The following MMD2 variants were observed in gnomAD, a reference collection of about 807,000 sequenced individuals.
The protein encoded by MMD2 is monocyte to macrophage differentiation factor 2.
A neutral mutation model predicts 33.5 loss-of-function variants in MMD2; 30 were observed. That is an observed-to-expected ratio of 0.90 (90% CI 0.67 to 1.22). The LOEUF (loss-of-function observed/expected upper bound fraction) is 1.22, where lower values mean the gene tolerates loss of function less well. MMD2 is among the 50% of genes most tolerant of loss of function. The pLI, the probability that MMD2 is intolerant of heterozygous loss-of-function variation, is 0.00. For synonymous variants in MMD2, 129 were observed against 123.0 expected, an observed-to-expected ratio of 1.05 and a Z score of -0.32; for missense variants, 364 against 325.4, an observed-to-expected ratio of 1.12 and a Z score of -0.91.
downstream of MMD2, among the ~76,000 whole-genome samples, chr7:4,903,955 G>A (rs763631052): frequency 1.8e-4 from 28 of 151,824 alleles, no homozygotes; most frequent in Admixed American, 5.9e-4. Context: ...TTTTTGAGAC[G>A]GAGTTTCGCT....
chr7:4,939,370 C>G (rs1012642132), intron 1 of MMD2, among the ~76,000 whole-genome samples: 5 of 151,856 alleles, frequency 3.3e-5, no homozygotes, highest in African/African-American at 7.3e-5. Context: ...AAGACCCTTT[C>G]TCTACAAAAA....
chr7:4,921,514 A>T (rs1296695165), intron 2 of MMD2, among the ~76,000 whole-genome samples: 1 of 151,316 alleles, frequency 6.6e-6, no homozygotes, highest in African/African-American at 2.4e-5. Context: ...CCAGCTACTC[A>T]GGAGGCTGAG....
chr7:4,936,092 G>A (rs113512781), intron 1 of MMD2, among the ~76,000 whole-genome samples: 2 of 151,322 alleles, frequency 1.3e-5, no homozygotes, highest in African/African-American at 2.4e-5. Context: ...GGCTGAGGCA[G>A]GAAAATCACT....
chr7:4,911,368 C>T (rs1363588448), intron 4 of MMD2, 122 bp from the exon 5 acceptor site: 6 of 706,794 alleles, frequency 8.5e-6, no homozygotes, highest in African/African-American at 1.8e-5. Flanking sequence ...GACTCCACGG[C>T]TGGGACATGG....
intron 1 of MMD2, among the ~76,000 whole-genome samples, chr7:4,938,376 G>T (rs1267407421): frequency 5.3e-5 from 8 of 151,996 alleles, no homozygotes; most frequent in African/African-American, 1.9e-4. Flanking sequence ...GTCTGGTGGG[G>T]GCCTTCTTGC....
chr7:4,914,445 A>G (rs1785091750), intron 4 of MMD2, among the ~76,000 whole-genome samples: 1 of 152,156 alleles, frequency 6.6e-6, no homozygotes, highest in Non-Finnish European at 1.5e-5. Flanking sequence ...GCTGTAATTT[A>G]GACTTTTTGA....
chr7:4,928,210 A>G (rs1024504924), intron 1 of MMD2, among the ~76,000 whole-genome samples: 1 of 152,218 alleles, frequency 6.6e-6, no homozygotes, highest in African/African-American at 2.4e-5. Flanking sequence ...GTTACTTTGT[A>G]GACTGCCCCC....
chr7:4,949,757 C>T (rs1328135044), intron 1 of MMD2, among the ~76,000 whole-genome samples: 1 of 152,138 alleles, frequency 6.6e-6, no homozygotes, highest in Non-Finnish European at 1.5e-5. Flanking sequence ...CCGCCTCAGC[C>T]TCCCAAAGTG....
chr7:4,927,783 G>A (rs1247560463), intron 1 of MMD2, among the ~76,000 whole-genome samples: 2 of 152,078 alleles, frequency 1.3e-5, no homozygotes, highest in Non-Finnish European at 2.9e-5. Flanking sequence ...TCTTCAAAGC[G>A]TTATCACCTC....
At position 4,907,599 on chromosome 7, in the gene MMD2, G is replaced by A. The variant is rs368287435; in HGVS notation, c.538C>T (p.Pro180Ser). ...AGCTCCCAGATGCCCTCGGTGTTGG[G>A]CTGTCGGCAAGGACAAGGGTGGGGC... ...FFPALVILSM[P>S]NTEGIWELVT... Residue 180 changes from proline to serine, a missense_variant and splice_region_variant, in exon 7 of 7, where the codon CCC (proline) becomes TCC (serine). Transcript: ENST00000401401. The A allele has an allele frequency of 5.6e-6, 9 of 1,612,046 alleles. No individual in the cohort carries two copies. In the African/African-American group the frequency reaches 9.4e-5, roughly 17 times the overall value.
chr7:4,925,413 C>T, intron 2 of MMD2, 38 bp downstream of exon 2: 1 of 1,435,440 alleles, frequency 7.0e-7, no homozygotes, highest in Non-Finnish European at 9.4e-7. Context: ...CCGGAAGTGT[C>T]CCCATCTCAG....
intron 1 of MMD2, among the ~76,000 whole-genome samples, chr7:4,926,465 G>C (rs1257831000): frequency 1.3e-5 from 2 of 152,042 alleles, no homozygotes; most frequent in Non-Finnish European, 2.9e-5. Flanking sequence ...CAGCTTGAAG[G>C]ATTTTTACAG....
At chr7:4,954,081 C>T (rs1401527498) in intron 1 of MMD2, among the ~76,000 whole-genome samples, 1 of 152,098 alleles carries the variant, frequency 6.6e-6, no homozygotes. Context: ...ATCCTCGCAC[C>T]TCAGCCTCCC....
intron 3 of MMD2, among the ~76,000 whole-genome samples, chr7:4,916,681 C>T (rs137857510): frequency 6.6e-6 from 1 of 152,260 alleles, no homozygotes; most frequent in African/African-American, 2.4e-5. Flanking sequence ...CCGCACCTGG[C>T]CATCCTCCCC....
chr7:4,899,776 T>C, the MMD2 span, among the ~76,000 whole-genome samples: 1 of 152,148 alleles, frequency 6.6e-6, no homozygotes, highest in Non-Finnish European at 1.5e-5. Context: ...AGAAGACGGC[T>C]GACCTCTGCC....
At chr7:4,939,880 C>T (rs953541284) in intron 1 of MMD2, among the ~76,000 whole-genome samples, 2 of 151,982 alleles carry the variant, frequency 1.3e-5, no homozygotes, top group Admixed American at 1.3e-4. Context: ...GGTGGGACTA[C>T]AGGTGTACAG....
At chr7:4,944,358 G>C (rs1785991903) in intron 1 of MMD2, among the ~76,000 whole-genome samples, 1 of 152,166 alleles carries the variant, frequency 6.6e-6, no homozygotes, top group African/African-American at 2.4e-5. Flanking sequence ...GGCTCACTTG[G>C]AGGGAGCAAA....
At chr7:4,950,112 G>T (rs141666163) in intron 1 of MMD2, among the ~76,000 whole-genome samples, 1,917 of 151,864 alleles carry the variant, frequency 0.013, 50 homozygotes, top group African/African-American at 0.044. Context: ...TGTGTTGTGT[G>T]TGTGAGAGAT....
At position 4,950,819 on chromosome 7, in the gene MMD2, T is replaced by A. The variant is rs542909042; in HGVS notation, c.47+8152A>T. 2.6e-5 allele frequency among the ~76,000 whole-genome samples: 4 copies of A among 151,686 alleles called. No individual in the cohort carries two copies. In the South Asian group the frequency reaches 8.3e-4, roughly 32 times the overall value. ...CCCTCTGCCTCCCGGATTCAAGCAA[T>A]TCTCGTGCCTCAGCCTCTTAAGTAG... On this transcript the variant is annotated intron_variant, in intron 1 of 6. Coordinates refer to ENST00000401401, the MANE Select transcript of MMD2 (RefSeq NM_198403.4).
Sources: allele counts gnomAD v4.1 joint callset (sites outside exome capture counted in the v4.1 genomes callset), GRCh38; gene constraint gnomAD v4.1.1; transcripts MANE v1.5; gene names NCBI Gene and HGNC (gene_info 2026-07-23, HGNC 2026-07-21).